The following TRAPPC8 variants were observed in gnomAD, a reference collection of about 807,000 sequenced individuals.
The protein encoded by TRAPPC8 is general sporulation gene 1 homolog.
In TRAPPC8, 54 loss-of-function variants were observed where a neutral mutation model predicts 174.3. The observed-to-expected ratio is 0.31, with a 90% confidence interval of 0.25 to 0.39. TRAPPC8 has a LOEUF of 0.39. Among genes scored for constraint, TRAPPC8 ranks in the 10% least tolerant of loss-of-function variants. TRAPPC8 has a pLI of 1.00. For synonymous variants in TRAPPC8, 630 were observed against 579.9 expected, an observed-to-expected ratio of 1.09 and a Z score of -1.24; for missense variants, 1,531 against 1,699.1, an observed-to-expected ratio of 0.90 and a Z score of 1.74.
chr18:31,865,478 A>T (rs2034541731), intron 18 of TRAPPC8, among the ~76,000 whole-genome samples: 1 of 151,998 alleles, frequency 6.6e-6, no homozygotes, highest in African/African-American at 2.4e-5. Context: ...TGATTCCCAC[A>T]CTTCATGTGA....
chr18:31,909,206 G>A (rs2036802202), intron 6 of TRAPPC8, among the ~76,000 whole-genome samples, 196 bp from the exon 7 acceptor site: 1 of 151,872 alleles, frequency 6.6e-6, no homozygotes, highest in African/African-American at 2.4e-5. Context: ...TATTTGTTTT[G>A]GTACCTGTAT....
chr18:31,932,446 A>G (rs2037888934), intron 1 of TRAPPC8, among the ~76,000 whole-genome samples: 1 of 151,728 alleles, frequency 6.6e-6, no homozygotes, highest in African/African-American at 2.4e-5. Context: ...AAAAACAACA[A>G]CAACAACAAA....
intron 5 of TRAPPC8, 61 bp from the exon 6 acceptor site, chr18:31,909,821 C>G (rs2036832492): frequency 1.8e-6 from 2 of 1,122,662 alleles, no homozygotes; most frequent in Admixed American, 2.7e-5. Flanking sequence ...AATATACTAT[C>G]AAATCCATCA....
At chr18:31,926,101 C>T (rs1480200032) in intron 2 of TRAPPC8, among the ~76,000 whole-genome samples, 1 of 152,132 alleles carries the variant, frequency 6.6e-6, no homozygotes, top group Non-Finnish European at 1.5e-5. Flanking sequence ...AATTGAACAC[C>T]ATTTCCCAGC....
intron 12 of TRAPPC8, among the ~76,000 whole-genome samples, chr18:31,885,078 C>T (rs1236273890): frequency 6.6e-6 from 1 of 151,982 alleles, no homozygotes; most frequent in Non-Finnish European, 1.5e-5. Flanking sequence ...AGGATGGTCT[C>T]GATCTCCTGA....
At chr18:31,846,179 T>C (rs1179203187) in intron 26 of TRAPPC8, among the ~76,000 whole-genome samples, 1 of 152,200 alleles carries the variant, frequency 6.6e-6, no homozygotes, top group Non-Finnish European at 1.5e-5. Context: ...TGCATCTTAA[T>C]ACTCTGATAA....
chr18:31,873,338 T>C (rs890647004), intron 14 of TRAPPC8, 92 bp downstream of exon 14: 63 of 1,084,098 alleles, frequency 5.8e-5, no homozygotes, highest in Non-Finnish European at 7.9e-5. Flanking sequence ...TTTTCAAATA[T>C]TCAACTATAC....
At chr18:31,900,873 GAACA>G (rs2036391616) in intron 10 of TRAPPC8, 48 bp downstream of exon 10, 1 of 1,025,572 alleles carries the variant, frequency 9.8e-7, no homozygotes, top group Non-Finnish European at 1.3e-6. Context: ...AAAAAAAAAA[GAACA>G]AACTGACCTT....
At chr18:31,897,144 TTCAGTATTCA>T (rs895148148) in intron 11 of TRAPPC8, among the ~76,000 whole-genome samples, 11 of 152,230 alleles carry the variant, frequency 7.2e-5, no homozygotes, top group Non-Finnish European at 4.4e-5. Flanking sequence ...TCCTTCGTTC[TTCAGTATTCA>T]TCTAAAAAAT....
intron 11 of TRAPPC8, among the ~76,000 whole-genome samples, chr18:31,893,196 T>G (rs2036034988): frequency 1.3e-5 from 2 of 152,172 alleles, no homozygotes; most frequent in Non-Finnish European, 2.9e-5. Flanking sequence ...TTGTATGCTC[T>G]TAATATTGGT....
Position 31,839,403 on chromosome 18 carries a change from A to G in TRAPPC8, c.3892T>C (p.Ser1298Pro), listed in dbSNP as rs633500. 6.2e-7 allele frequency: 1 copy of G among 1,611,898 alleles called. No homozygotes were observed. The highest frequency in any genetic ancestry group is 1.7e-5 in the Admixed American group (1 of 59,832). ...KFFRPENITVSSRPSVEQLSS... is the reference protein window; with the variant it reads ...KFFRPENITVPSRPSVEQLSS... ...AGCTGCTCTACTGATGGCCTTGAGG[A>G]AACTGTAATGTTTTCTGGCCTGAAA... Residue 1298 changes from serine (S) to proline (P), a missense_variant, in exon 27 of 29, where the codon TCC (serine) becomes CCC (proline). By Grantham distance (74) the Ser-to-Pro change is moderately conservative. Coordinates refer to ENST00000283351, the MANE Select transcript of TRAPPC8 (RefSeq NM_014939.5).
chr18:31,874,718 A>C lies in TRAPPC8; in HGVS notation c.1729-14T>G, dbSNP rs779494489. ...AGCATGCTTTTTCTGTAAGAAAATA[A>C]ACAAAATAATGTATTATACTCCAAA... On this transcript the variant is annotated splice_polypyrimidine_tract_variant and intron_variant, in intron 12 of 28. Coordinates refer to ENST00000283351, the MANE Select transcript of TRAPPC8 (RefSeq NM_014939.5). 1.2e-5 allele frequency: 19 copies of C among 1,605,602 alleles called. No homozygotes were observed. The South Asian group carries it at 1.9e-4, about 16-fold the overall frequency.
chr18:31,880,107 ATATATATATATATATTT>A (rs1200977400), intron 12 of TRAPPC8, among the ~76,000 whole-genome samples: 120 of 92,574 alleles, frequency 1.3e-3, no homozygotes, highest in Non-Finnish European at 2.4e-3. Context: ...ATATATATAT[ATATATATATATATATTT>A]TTTTTTTTTT....
At chr18:31,908,258 G>T in intron 8 of TRAPPC8, 45 bp downstream of exon 8, 1 of 1,207,088 alleles carries the variant, frequency 8.3e-7, no homozygotes, top group Non-Finnish European at 1.2e-6. Flanking sequence ...ACACTAGTCA[G>T]AGAGTTAAAC....
At chr18:31,900,858 A>T (rs1680644) in intron 10 of TRAPPC8, 67 bp downstream of exon 10, 1 of 215,932 alleles carries the variant, frequency 4.6e-6, no homozygotes, top group Non-Finnish European at 7.4e-6. Flanking sequence ...AGGAATGGGG[A>T]AAAAAAAAAA....
At chr18:31,918,057 TG>T (rs2145551112) in intron 2 of TRAPPC8, among the ~76,000 whole-genome samples, 1 of 151,706 alleles carries the variant, frequency 6.6e-6, no homozygotes, top group African/African-American at 2.4e-5. Flanking sequence ...ACCCGGGAGG[TG>T]GGGGTTGAAG....
At chr18:31,915,679 G>A (rs558063336) in intron 4 of TRAPPC8, among the ~76,000 whole-genome samples, 119 of 152,044 alleles carry the variant, frequency 7.8e-4, no homozygotes, top group African/African-American at 2.8e-3. Context: ...GGCGGATCAC[G>A]AGGTCAGGAG....
intron 9 of TRAPPC8, among the ~76,000 whole-genome samples, chr18:31,904,522 T>C (rs2036578028): frequency 6.6e-6 from 1 of 152,182 alleles, no homozygotes; most frequent in African/African-American, 2.4e-5. Context: ...CTCTGCAACA[T>C]TTTTTAAAAT....
chr18:31,894,419 G>T (rs2036099969), intron 11 of TRAPPC8, among the ~76,000 whole-genome samples: 1 of 152,048 alleles, frequency 6.6e-6, no homozygotes, highest in African/African-American at 2.4e-5. Context: ...TAATACAGTG[G>T]TGTATTTCAT....
Sources: gnomAD v4.1 joint callset for allele counts (sites outside exome capture counted in the v4.1 genomes callset) on GRCh38, gnomAD v4.1.1 for gene constraint, MANE v1.5 for transcripts, NCBI Gene and HGNC (gene_info 2026-07-23, HGNC 2026-07-21) for gene names.